PMEPA1: variants seen among roughly 807,000 people sequenced by gnomAD.
PMEPA1 encodes the protein protein TMEPAI.
Under a neutral mutation model 23.0 loss-of-function variants are expected in PMEPA1, and 11 were observed. That is an observed-to-expected ratio of 0.48 (90% confidence interval 0.30 to 0.79). The LOEUF (loss-of-function observed/expected upper bound fraction) is 0.79. Among genes scored for constraint, PMEPA1 ranks in the 30% least tolerant of loss-of-function variants. The probability of loss-of-function intolerance (pLI) is 0.06; values close to 1 mark genes in which losing one functional copy is unlikely to be tolerated. For synonymous variants in PMEPA1, 204 were observed against 166.4 expected (o/e 1.23, Z -1.74); for missense variants, 377 against 390.9 (o/e 0.96, Z 0.30).
chr20:57,659,423 C>G (rs2071376325), intron 2 of PMEPA1, 120 bp downstream of exon 2: 1 of 1,129,518 alleles, frequency 8.9e-7, no homozygotes, highest in South Asian at 1.6e-5. Flanking sequence ...TCCCCAGCCC[C>G]TGTCTTCCTG....
At chr20:57,665,195 C>T (rs1263465868) in intron 1 of PMEPA1, among the ~76,000 whole-genome samples, 1 of 152,114 alleles carries the variant, frequency 6.6e-6, no homozygotes, top group Admixed American at 6.5e-5. Context: ...CTGAGCCTCC[C>T]CAATTTAGGT....
At chr20:57,693,448 C>T (rs1421473330) in intron 1 of PMEPA1, among the ~76,000 whole-genome samples, 1 of 152,214 alleles carries the variant, frequency 6.6e-6, no homozygotes, top group Non-Finnish European at 1.5e-5. Flanking sequence ...CAGAACTTCC[C>T]CAACACCTCC....
chr20:57,690,253 A>T (rs1054574582), intron 1 of PMEPA1: 2 of 443,564 alleles, frequency 4.5e-6, no homozygotes, highest in Non-Finnish European at 9.2e-6. Context: ...TAGCGAAGAG[A>T]CGCTGGGCAG....
At chr20:57,675,635 A>C (rs894611438) in intron 1 of PMEPA1, among the ~76,000 whole-genome samples, 2 of 152,156 alleles carry the variant, frequency 1.3e-5, no homozygotes, top group Non-Finnish European at 2.9e-5. Context: ...TCGGCCCCTG[A>C]ATGGATTGCC....
chr20:57,696,908 T>C (rs2071949134), intron 1 of PMEPA1, among the ~76,000 whole-genome samples: 2 of 152,184 alleles, frequency 1.3e-5, no homozygotes, highest in South Asian at 4.1e-4. Flanking sequence ...AAAAGGAAAA[T>C]GACATATTGT....
intron 1 of PMEPA1, among the ~76,000 whole-genome samples, chr20:57,696,265 A>C (rs1446607364): frequency 6.6e-6 from 1 of 152,182 alleles, no homozygotes; most frequent in Non-Finnish European, 1.5e-5. Context: ...CTGCCTAGAC[A>C]AATGAGGCAC....
chr20:57,661,974 T>C (rs1182913066), intron 1 of PMEPA1, among the ~76,000 whole-genome samples: 2 of 151,854 alleles, frequency 1.3e-5, no homozygotes, highest in African/African-American at 4.9e-5. Context: ...GTTTCTCAGC[T>C]GGGGCCGCGT....
At chr20:57,681,990 G>A (rs1023468365) in intron 1 of PMEPA1, among the ~76,000 whole-genome samples, 3 of 152,158 alleles carry the variant, frequency 2.0e-5, no homozygotes, top group Non-Finnish European at 4.4e-5. Flanking sequence ...ATGTGACACT[G>A]TCGAATCTCC....
At chr20:57,658,812 G>A (rs1266866041) in intron 2 of PMEPA1, among the ~76,000 whole-genome samples, 6 of 152,284 alleles carry the variant, frequency 3.9e-5, no homozygotes, top group Non-Finnish European at 4.4e-5. Flanking sequence ...CGGGCACGAG[G>A]GCAGGGCCGC....
At chr20:57,681,180 G>A (rs1003626767) in intron 1 of PMEPA1, among the ~76,000 whole-genome samples, 6 of 152,190 alleles carry the variant, frequency 3.9e-5, no homozygotes, top group Non-Finnish European at 8.8e-5. Context: ...GGGCAGGGGT[G>A]AGGCAGGCGC....
At position 57,652,059 on chromosome 20, in the gene PMEPA1, A is replaced by C. The variant is rs781372857; in HGVS notation, c.858T>G (p.Pro286=). 2.5e-5 allele frequency: 38 copies of C among 1,494,892 alleles called. No individual in the cohort carries two copies. The highest frequency in any genetic ancestry group is 3.4e-5 in the Non-Finnish European group (38 of 1,116,988). The allele number at this position is 1,494,892 out of a possible 1,614,324, so 92.6% of individuals were successfully genotyped here. A position where few individuals can be genotyped will look rare whatever the true frequency, so the allele number is the denominator to read the frequency against. ...SKEKDKQKGH[P]L Reference sequence around the variant, plus strand: ...CCCGGCCCCCCTGGGGACCCTAGAGAGGGTGTCCTTTCTGTTTATCCTTCT... The same window carrying C: ...CCCGGCCCCCCTGGGGACCCTAGAGCGGGTGTCCTTTCTGTTTATCCTTCT... The change falls in exon 4 of 4, where the codon CCT becomes CCG. Residue 286 remains proline, a synonymous_variant. Coordinates refer to ENST00000341744, the MANE Select transcript of PMEPA1 (RefSeq NM_020182.5). The surrounding 1 kb of genome is among the most constrained non-coding windows in gnomAD (Gnocchi z 6.1).
chr20:57,694,765 T>C (rs2071924410), intron 1 of PMEPA1, among the ~76,000 whole-genome samples: 1 of 152,188 alleles, frequency 6.6e-6, no homozygotes, highest in African/African-American at 2.4e-5. Context: ...GCCTGGCACA[T>C]GGTAGGCATT....
chr20:57,709,209 C>A (rs1436054462), intron 1 of PMEPA1, among the ~76,000 whole-genome samples: 1 of 151,170 alleles, frequency 6.6e-6, no homozygotes, highest in Non-Finnish European at 1.5e-5. Context: ...CGTGCGCCGC[C>A]GCTGAGCCCC....
intron 1 of PMEPA1, among the ~76,000 whole-genome samples, chr20:57,693,080 G>T (rs954959574): frequency 2.0e-5 from 3 of 152,332 alleles, no homozygotes; most frequent in Non-Finnish European, 4.4e-5. Flanking sequence ...TTGTGAGCAG[G>T]CCGGGAGTGG....
chr20:57,703,468 C>T (rs1410695605), intron 1 of PMEPA1, among the ~76,000 whole-genome samples: 1 of 152,204 alleles, frequency 6.6e-6, no homozygotes, highest in African/African-American at 2.4e-5. Flanking sequence ...TTGTGCCTTG[C>T]CTTGTACCCC....
upstream of PMEPA1, chr20:57,710,228 C>T (rs116901853): frequency 9.6e-3 from 5,143 of 536,656 alleles, 92 homozygotes; most frequent in East Asian, 0.055. Flanking sequence ...TGCCCTCTCC[C>T]CAACGGCGGT....
chr20:57,653,191 T>G, intron 2 of PMEPA1, 105 bp from the exon 3 acceptor site: 1 of 932,658 alleles, frequency 1.1e-6, no homozygotes, highest in Non-Finnish European at 1.7e-6. Flanking sequence ...GAATCAGCTC[T>G]TGAACCCGCC....
rs373704111 is a variant in PMEPA1, at chr20:57,678,098, T to C, written c.110-18401A>G. Reference sequence around the variant, plus strand: ...AGATGTTCTTGTGATGGGACTGTTGTGTCTTGACTGGTGGTTACACAAATC... The same window carrying C: ...AGATGTTCTTGTGATGGGACTGTTGCGTCTTGACTGGTGGTTACACAAATC... On this transcript the variant is annotated intron_variant, in intron 1 of 3. Transcript: ENST00000341744. 3.3e-3 allele frequency among the ~76,000 whole-genome samples: 497 copies of C among 152,320 alleles called. 1 individual carries two copies. Among genetic ancestry groups the C allele is most frequent in the South Asian group, 8.7e-3 (42 of 4,830 alleles).
Position 57,652,674 on chromosome 20 carries a change from G to T in PMEPA1, c.319-76C>A. 1 of 1,230,612 alleles carries T rather than the reference G, an allele frequency of 8.1e-7. No individual in the cohort carries two copies. Among genetic ancestry groups the T allele is most frequent in the Non-Finnish European group, 1.1e-6 (1 of 911,340 alleles). The allele number at this position is 1,230,612 out of a possible 1,614,324, so 76.2% of individuals were successfully genotyped here. A position where few individuals can be genotyped will look rare whatever the true frequency, so the allele number is the denominator to read the frequency against. ...GTCCAGAAGCGATCCTGAGACTGGA[G>T]TTCTGCTGCATGGGACTTGGCTCTC... On this transcript the variant is annotated intron_variant, in intron 3 of 3. Transcript: ENST00000341744. This position sits in a 1 kb window ranked among gnomAD's most constrained non-coding sequence, Gnocchi z 6.1.
Sources: gnomAD v4.1 joint callset for allele counts (sites outside exome capture counted in the v4.1 genomes callset) on GRCh38, gnomAD v4.1.1 for gene constraint, Gnocchi (gnomAD v3.1) non-coding constraint, MANE v1.5 for transcripts, NCBI Gene and HGNC (gene_info 2026-07-23, HGNC 2026-07-21) for gene names.